Variants in SCARB2 observed in about 807,000 individuals in gnomAD.
SCARB2 encodes scavenger receptor class B member 2.
A neutral mutation model predicts 58.6 loss-of-function variants in SCARB2; 29 were observed. The ratio of observed to expected loss-of-function variants is 0.49; its 90% CI spans 0.37 to 0.67. SCARB2 has a LOEUF of 0.67. SCARB2 is among the 30% of genes least tolerant of loss of function. The pLI is 0.00. For missense variants in SCARB2, 488 were observed against 578.5 expected (o/e 0.84, Z 1.60); for synonymous variants, 195 against 210.1 (o/e 0.93, Z 0.62).
In SCARB2 at chr4:76,198,184, C is replaced by G. The variant is rs1047124158; in HGVS notation, c.118-2320G>C. Among the ~76,000 whole-genome samples the G allele has an allele frequency of 2.6e-5, 4 of 152,322 alleles. No homozygotes were observed. In the East Asian group the frequency reaches 7.7e-4, roughly 29 times the overall value. The stretch of plus-strand genomic sequence containing the variant: ...CTGCCTAATTTTTCCTGACAAGCAT[C>G]ATAGTGTGTGAAGTTTCCAGTGAGA... On this transcript the variant is annotated intron_variant, in intron 1 of 11. Coordinates refer to ENST00000264896, the MANE Select transcript of SCARB2 (RefSeq NM_005506.4).
rs1392468985 is a variant in SCARB2 at position 76,213,721 on chromosome 4, C to T, written c.-178G>A. On this transcript the variant is annotated 5_prime_UTR_variant, in exon 1 of 12. Coordinates refer to ENST00000264896, the MANE Select transcript of SCARB2 (RefSeq NM_005506.4). Reference sequence around the variant, plus strand: ...CTCCGCGGCCTGGCGAGCGCGGCCCCGGGTGCACCGGGCGGATGGGGCCGC... The same window carrying T: ...CTCCGCGGCCTGGCGAGCGCGGCCCTGGGTGCACCGGGCGGATGGGGCCGC... The T allele has an allele frequency of 3.1e-5, 16 of 509,990 alleles. 1 individual carries two copies. The highest frequency in any genetic ancestry group is 5.1e-4 in the Middle Eastern group (1 of 1,962). The allele number at this position is 509,990 out of a possible 1,614,324, so 31.6% of individuals were successfully genotyped here. A position where few individuals can be genotyped will look rare whatever the true frequency, so the allele number is the denominator to read the frequency against.
intron 9 of SCARB2, among the ~76,000 whole-genome samples, chr4:76,167,697 T>TTC (rs1732040087): frequency 7.6e-6 from 1 of 131,650 alleles, no homozygotes; most frequent in African/African-American, 2.8e-5. Context: ...TTTTTTTTTT[T>TTC]CCTGAGACAC....
intron 11 of SCARB2, 119 bp from the exon 12 acceptor site, chr4:76,161,870 T>C: frequency 1.1e-6 from 1 of 877,728 alleles, no homozygotes; most frequent in Non-Finnish European, 1.9e-6. Context: ...GGAAGGTGGC[T>C]CATCTCACTC....
At chr4:76,186,933 G>A (rs1253662884) in intron 2 of SCARB2, among the ~76,000 whole-genome samples, 1 of 152,094 alleles carries the variant, frequency 6.6e-6, no homozygotes, top group East Asian at 1.9e-4. Flanking sequence ...TAGAAAAAAG[G>A]AGAAAGCATT....
At chr4:76,217,856 C>T (rs948297067), upstream of SCARB2, among the ~76,000 whole-genome samples, 1 of 152,068 alleles carries the variant, frequency 6.6e-6, no homozygotes, top group South Asian at 2.1e-4. Context: ...TGCAATCATT[C>T]GGGACTTAGA....
upstream of SCARB2, among the ~76,000 whole-genome samples, chr4:76,216,533 C>CT (rs1456699780): frequency 6.6e-6 from 1 of 152,194 alleles, no homozygotes; most frequent in Non-Finnish European, 1.5e-5. Context: ...GAGGTCCCTT[C>CT]TTCTCTCTTG....
chr4:76,182,816 T>A (rs1052278371), intron 2 of SCARB2, among the ~76,000 whole-genome samples: 3 of 152,364 alleles, frequency 2.0e-5, no homozygotes. Flanking sequence ...AAACCCATCA[T>A]AAGTTGAAAA....
intron 2 of SCARB2, among the ~76,000 whole-genome samples, chr4:76,188,931 T>G (rs948028941): frequency 1.3e-5 from 2 of 152,192 alleles, no homozygotes; most frequent in African/African-American, 4.8e-5. Flanking sequence ...AGGGCCTGAT[T>G]CCCCTTTCTT....
At chr4:76,203,961 T>C (rs1732879281) in intron 1 of SCARB2, among the ~76,000 whole-genome samples, 1 of 152,232 alleles carries the variant, frequency 6.6e-6, no homozygotes, top group South Asian at 2.1e-4. Flanking sequence ...GGTTGTTCTT[T>C]AAGGTCAGTA....
At chr4:76,214,695 G>A (rs1345474768), upstream of SCARB2, among the ~76,000 whole-genome samples, 1 of 152,222 alleles carries the variant, frequency 6.6e-6, no homozygotes, top group African/African-American at 2.4e-5. Context: ...GACTCAAGAA[G>A]TGTTCGTTAA....
chr4:76,187,641 T>A (rs4859631), intron 2 of SCARB2, among the ~76,000 whole-genome samples: 16,700 of 152,186 alleles, frequency 0.11, 1,136 homozygotes, highest in East Asian at 0.21. Context: ...CATATGTACA[T>A]AGTATGATAA....
At chr4:76,220,247 G>A (rs149533732) in intron 1 of SCARB2, among the ~76,000 whole-genome samples, 9 of 152,270 alleles carry the variant, frequency 5.9e-5, no homozygotes, top group African/African-American at 7.2e-5. Flanking sequence ...GTCAAAAGGT[G>A]GAACCGACCC....
At chr4:76,213,269 AC>A in intron 1 of SCARB2, 157 bp downstream of exon 1, 1 of 692,942 alleles carries the variant, frequency 1.4e-6, no homozygotes, top group Non-Finnish European at 2.7e-6. Context: ...TCCTTCTTTA[AC>A]CCTCGCCTAC....
At chr4:76,212,571 C>CT (rs1211593741) in intron 1 of SCARB2, among the ~76,000 whole-genome samples, 2 of 152,184 alleles carry the variant, frequency 1.3e-5, no homozygotes, top group Non-Finnish European at 2.9e-5. Flanking sequence ...AGAAAGGCTG[C>CT]TGCTCCAGTG....
At chr4:76,179,425 T>C in intron 4 of SCARB2, 92 bp downstream of exon 4, 1 of 942,764 alleles carries the variant, frequency 1.1e-6, no homozygotes, top group Non-Finnish European at 1.7e-6. Context: ...CTCTAGGCAA[T>C]TTCTAGAAGA....
chr4:76,189,450 C>T (rs1732555081), intron 2 of SCARB2, among the ~76,000 whole-genome samples: 1 of 149,378 alleles, frequency 6.7e-6, no homozygotes, highest in Non-Finnish European at 1.5e-5. Flanking sequence ...AGGAGAAGTG[C>T]CCAGCAAAAG....
intron 4 of SCARB2, 133 bp from the exon 5 acceptor site, chr4:76,176,661 T>G: frequency 6.1e-6 from 4 of 659,252 alleles, no homozygotes; most frequent in Non-Finnish European, 1.1e-5. Flanking sequence ...TAGGTGTGAT[T>G]AATATCTACA....
At chr4:76,179,114 T>G (rs1041993997) in intron 4 of SCARB2, 10 of 228,428 alleles carry the variant, frequency 4.4e-5, no homozygotes, top group Non-Finnish European at 6.2e-5. Flanking sequence ...AGTACAGTGG[T>G]GTAATTTCAG....
At position 76,213,414 on chromosome 4, in the gene SCARB2, C is replaced by T. The variant is rs1391392584; in HGVS notation, c.117+13G>A. 9 of 1,575,454 alleles carry T rather than the reference C, an allele frequency of 5.7e-6. No individual in the cohort carries two copies. Among genetic ancestry groups the T allele is most frequent in the Admixed American group, 1.7e-5 (1 of 58,616 alleles). ...ACGACTCCACAACACACACACAGCC[C>T]GCCCCGCCTCACCTTCTCGATACTC... On this transcript the variant is annotated intron_variant, in intron 1 of 11. Coordinates refer to ENST00000264896, the MANE Select transcript of SCARB2 (RefSeq NM_005506.4).
Sources: gnomAD v4.1 joint callset for allele counts (sites outside exome capture counted in the v4.1 genomes callset) on GRCh38, gnomAD v4.1.1 for gene constraint, MANE v1.5 for transcripts, NCBI Gene and HGNC (gene_info 2026-07-23, HGNC 2026-07-21) for gene names.